PTCHD4: variants seen among roughly 807,000 people sequenced by gnomAD.
PTCHD4 encodes patched domain-containing protein 4.
Under a neutral mutation model 58.1 loss-of-function variants are expected in PTCHD4, and 33 were observed. The observed-to-expected ratio is 0.57, with a 90% confidence interval of 0.43 to 0.76. The LOEUF is 0.76. Ranked by LOEUF, PTCHD4 falls within the 30% of genes least tolerant of loss-of-function variation. The pLI is 0.00. For synonymous variants in PTCHD4, 478 were observed against 409.6 expected (o/e 1.17, Z -2.02); for missense variants, 1,058 against 1,027.1 (o/e 1.03, Z -0.41).
intron 4 of PTCHD4, among the ~76,000 whole-genome samples, chr6:47,931,192 G>T (rs2113905488): frequency 6.6e-6 from 1 of 152,342 alleles, no homozygotes; most frequent in African/African-American, 2.4e-5. Flanking sequence ...GCAGCATCCT[G>T]CTTAGCACTC....
At chr6:47,890,929 C>T (rs1217241174) in intron 4 of PTCHD4, 41 of 982,118 alleles carry the variant, frequency 4.2e-5, no homozygotes, top group African/African-American at 8.8e-5. Context: ...GAATATGGGC[C>T]GTTCACTGTG....
intron 3 of PTCHD4, among the ~76,000 whole-genome samples, chr6:48,012,583 T>C (rs900693015): frequency 2.6e-5 from 4 of 152,224 alleles, no homozygotes; most frequent in African/African-American, 7.2e-5. Context: ...CTTTCCTGAT[T>C]GCCCTGGCCA....
chr6:48,039,547 G>T (rs779663562), intron 3 of PTCHD4, among the ~76,000 whole-genome samples: 2 of 152,038 alleles, frequency 1.3e-5, no homozygotes, highest in Non-Finnish European at 2.9e-5. Flanking sequence ...ATGGGTGTTT[G>T]CTTGATAATT....
In PTCHD4 at chr6:48,069,016, C is replaced by T. The variant is rs1764911224; in HGVS notation, c.-59G>A. On this transcript the variant is annotated 5_prime_UTR_variant, in exon 2 of 5. Coordinates refer to ENST00000339488, the MANE Select transcript of PTCHD4 (RefSeq NM_001384253.1). Reference sequence around the variant, plus strand: ...GGTGCTGCAGTCCCCTGGCCTCCCTCGCTGGAGGTGGTTCCGTGTGGAGCG... The same window carrying T: ...GGTGCTGCAGTCCCCTGGCCTCCCTTGCTGGAGGTGGTTCCGTGTGGAGCG... 6.6e-6 allele frequency among the ~76,000 whole-genome samples: 1 copy of T among 151,016 alleles called. No individual in the cohort carries two copies. Among genetic ancestry groups the T allele is most frequent in the Non-Finnish European group, 1.5e-5 (1 of 67,754 alleles).
chr6:48,002,203 C>T (rs1456103280), intron 4 of PTCHD4, among the ~76,000 whole-genome samples: 6 of 152,120 alleles, frequency 3.9e-5, no homozygotes, highest in South Asian at 2.1e-4. Context: ...GTCGGTGTGG[C>T]GATTCCTCAG....
At chr6:48,098,037 C>T (rs973958964) in intron 1 of PTCHD4, among the ~76,000 whole-genome samples, 2 of 152,080 alleles carry the variant, frequency 1.3e-5, no homozygotes, top group African/African-American at 4.8e-5. Flanking sequence ...TCAGGTCTCA[C>T]GGCCTCAGTA....
chr6:47,958,608 G>C (rs1766959771), intron 4 of PTCHD4, among the ~76,000 whole-genome samples: 1 of 152,194 alleles, frequency 6.6e-6, no homozygotes, highest in Non-Finnish European at 1.5e-5. Context: ...CAAGTGGATA[G>C]AGCTCACAGA....
chr6:47,880,530 T>TA (rs113295521), intron 4 of PTCHD4, among the ~76,000 whole-genome samples: 95,486 of 149,264 alleles, frequency 0.64, 31,021 homozygotes, highest in East Asian at 0.77. Flanking sequence ...ATGTGAGTTT[T>TA]TAAAAAAAAA....
intron 3 of PTCHD4, among the ~76,000 whole-genome samples, chr6:48,044,186 A>G (rs544326474): frequency 1.8e-4 from 27 of 151,870 alleles, no homozygotes; most frequent in Admixed American, 2.6e-4. Flanking sequence ...ATTTTTTTGC[A>G]TGAAAGAGGA....
chr6:47,886,491 A>C (rs906114407), intron 4 of PTCHD4, among the ~76,000 whole-genome samples: 4 of 152,170 alleles, frequency 2.6e-5, no homozygotes, highest in Non-Finnish European at 4.4e-5. Flanking sequence ...GGTTAAAAAA[A>C]AATACTCCTT....
At chr6:48,052,062 A>G (rs151074054) in intron 3 of PTCHD4, among the ~76,000 whole-genome samples, 1 of 152,184 alleles carries the variant, frequency 6.6e-6, no homozygotes, top group African/African-American at 2.4e-5. Context: ...GTCTGAAACA[A>G]TGTAAGCACA....
chr6:48,010,936 C>T (rs1426084178), intron 3 of PTCHD4, among the ~76,000 whole-genome samples: 2 of 152,156 alleles, frequency 1.3e-5, no homozygotes, highest in Non-Finnish European at 2.9e-5. Context: ...GCATAGTATT[C>T]CAGGGTGTAT....
intron 1 of PTCHD4, among the ~76,000 whole-genome samples, chr6:48,083,604 G>T (rs1293695582): frequency 6.6e-6 from 1 of 152,182 alleles, no homozygotes; most frequent in Non-Finnish European, 1.5e-5. Context: ...TGGGCACTTT[G>T]AGACAGAGAA....
intron 1 of PTCHD4, among the ~76,000 whole-genome samples, chr6:48,093,336 G>A (rs1338312304): frequency 2.0e-5 from 3 of 152,106 alleles, no homozygotes; most frequent in Admixed American, 6.6e-5. Flanking sequence ...GTGAATTCAG[G>A]ACAGTTAGGT....
At chr6:47,960,723 C>T (rs796121873) in intron 4 of PTCHD4, among the ~76,000 whole-genome samples, 8 of 151,778 alleles carry the variant, frequency 5.3e-5, no homozygotes, top group African/African-American at 1.9e-4. Context: ...TTTAGAATTA[C>T]TAATTCTAAC....
At chr6:47,902,704 G>A (rs1022065895) in intron 4 of PTCHD4, among the ~76,000 whole-genome samples, 7 of 151,930 alleles carry the variant, frequency 4.6e-5, no homozygotes, top group Admixed American at 6.6e-5. Context: ...ATGAATTCAC[G>A]TTCTAATCTT....
intron 1 of PTCHD4, among the ~76,000 whole-genome samples, chr6:48,093,633 T>C (rs538798729): frequency 3.3e-5 from 5 of 152,260 alleles, no homozygotes; most frequent in African/African-American, 1.2e-4. Flanking sequence ...AGAATTTTTA[T>C]TAAATCTGAC....
At chr6:48,099,496 A>G (rs1765553633) in intron 1 of PTCHD4, among the ~76,000 whole-genome samples, 1 of 152,224 alleles carries the variant, frequency 6.6e-6, no homozygotes, top group East Asian at 1.9e-4. Context: ...GCTAGCTGAA[A>G]AGGAAAGCCT....
At chr6:48,104,594 C>G (rs1223743719) in intron 1 of PTCHD4, among the ~76,000 whole-genome samples, 4 of 152,178 alleles carry the variant, frequency 2.6e-5, no homozygotes, top group Non-Finnish European at 5.9e-5. Context: ...CAAATTCACA[C>G]ATAACAATAC....
Sources: allele counts gnomAD v4.1 joint callset (sites outside exome capture counted in the v4.1 genomes callset), GRCh38; gene constraint gnomAD v4.1.1; transcripts MANE v1.5; gene names NCBI Gene and HGNC (gene_info 2026-07-23, HGNC 2026-07-21).